The following TTC17 variants were observed in gnomAD, a reference collection of about 807,000 sequenced individuals.
The protein encoded by TTC17 is tetratricopeptide repeat protein 17.
In TTC17, 58 loss-of-function variants were observed where a neutral mutation model predicts 143.8. The observed-to-expected ratio is 0.40, with a 90% CI of 0.33 to 0.50. The LOEUF (loss-of-function observed/expected upper bound fraction) is 0.50. TTC17 is among the 20% of genes least tolerant of loss of function. The probability of loss-of-function intolerance (pLI) is 0.49; values close to 1 mark genes in which losing one functional copy is unlikely to be tolerated. For missense variants in TTC17, 1,273 were observed against 1,392.5 expected, an observed-to-expected ratio of 0.91 and a Z score of 1.37; for synonymous variants, 501 against 497.8, an observed-to-expected ratio of 1.01 and a Z score of -0.09.
intron 1 of TTC17, chr11:43,378,898 A>G (rs996302012): frequency 1.3e-5 from 3 of 233,996 alleles, no homozygotes; most frequent in African/African-American, 2.4e-5. Flanking sequence ...AAGACAATTC[A>G]TTTTTTATTA....
At chr11:43,386,644 C>T (rs1290008859) in intron 2 of TTC17, among the ~76,000 whole-genome samples, 2 of 152,132 alleles carry the variant, frequency 1.3e-5, no homozygotes, top group Non-Finnish European at 1.5e-5. Flanking sequence ...AAAAGTTTTT[C>T]TTCAAATGAC....
chr11:43,476,942 A>C (rs918490887), intron 21 of TTC17, among the ~76,000 whole-genome samples: 1 of 152,186 alleles, frequency 6.6e-6, no homozygotes, highest in Non-Finnish European at 1.5e-5. Context: ...AAATTTTCTA[A>C]ACTTTTATGT....
At chr11:43,416,636 A>G (rs535338643) in intron 16 of TTC17, among the ~76,000 whole-genome samples, 271 of 152,284 alleles carry the variant, frequency 1.8e-3, no homozygotes, top group Middle Eastern at 3.4e-3. Context: ...TGGGTCCAAT[A>G]TAATAACAAT....
chr11:43,452,583 C>T (rs1257943696), intron 21 of TTC17, among the ~76,000 whole-genome samples: 3 of 152,014 alleles, frequency 2.0e-5, no homozygotes, highest in Non-Finnish European at 4.4e-5. Flanking sequence ...CTAAAGAACA[C>T]ACAGCAGGAA....
Position 43,392,332 on chromosome 11 carries a change from C to G in TTC17, c.663+380C>G, listed in dbSNP as rs979986221. 2.6e-5 allele frequency among the ~76,000 whole-genome samples: 4 copies of G among 152,068 alleles called. No homozygotes were observed. The East Asian group carries it at 7.7e-4, about 29-fold the overall frequency. ...GTTTTCTGAGACAGAAAAAGAATCA[C>G]CACCAGCAACAAAATCTTCTGTAAC... On this transcript the variant is annotated intron_variant, in intron 5 of 23. Coordinates refer to ENST00000039989, the MANE Select transcript of TTC17 (RefSeq NM_018259.6).
At chr11:43,452,906 G>A (rs895175575) in intron 21 of TTC17, among the ~76,000 whole-genome samples, 1 of 152,118 alleles carries the variant, frequency 6.6e-6, no homozygotes, top group African/African-American at 2.4e-5. Context: ...CTGGGCAACA[G>A]AGTGAGACCC....
intron 1 of TTC17, among the ~76,000 whole-genome samples, chr11:43,373,963 A>G (rs1297071522): frequency 6.6e-6 from 1 of 152,204 alleles, no homozygotes; most frequent in African/African-American, 2.4e-5. Context: ...GATCTCTGGT[A>G]CCTTAGCCAC....
intron 1 of TTC17, chr11:43,370,022 A>G (rs918411384): frequency 2.2e-6 from 1 of 448,900 alleles, no homozygotes; most frequent in Non-Finnish European, 4.5e-6. Context: ...TCTCAATCTC[A>G]TACAATGAAA....
intron 6 of TTC17, 75 bp from the exon 7 acceptor site, chr11:43,397,272 A>G (rs1857631473): frequency 6.0e-6 from 9 of 1,511,008 alleles, no homozygotes; most frequent in South Asian, 3.8e-5. Flanking sequence ...TTTCCTAAGC[A>G]CAAGTAACTT....
At chr11:43,436,552 G>T (rs1180905937) in intron 16 of TTC17, among the ~76,000 whole-genome samples, 1 of 152,108 alleles carries the variant, frequency 6.6e-6, no homozygotes, top group Non-Finnish European at 1.5e-5. Context: ...AATCTGATTT[G>T]TTTATGTATC....
chr11:43,389,125 CAAGACACTGTCTCAA>C (rs1289370845), intron 2 of TTC17, among the ~76,000 whole-genome samples: 29 of 140,358 alleles, frequency 2.1e-4, no homozygotes, highest in Non-Finnish European at 4.4e-4. Context: ...TGGGTGACAG[CAAGACACTGTCTCAA>C]AAAAAAAAAA....
At chr11:43,373,482 C>T (rs1856649170) in intron 1 of TTC17, among the ~76,000 whole-genome samples, 1 of 152,046 alleles carries the variant, frequency 6.6e-6, no homozygotes, top group African/African-American at 2.4e-5. Flanking sequence ...CACCACCACG[C>T]CCAGCTAATT....
intron 1 of TTC17, among the ~76,000 whole-genome samples, chr11:43,368,717 G>A (rs1373964024): frequency 2.0e-5 from 3 of 152,198 alleles, no homozygotes; most frequent in Non-Finnish European, 4.4e-5. Flanking sequence ...CTCCCTTTGG[G>A]ATAGGAGGGA....
intron 20 of TTC17, 112 bp downstream of exon 20, chr11:43,450,353 T>A: frequency 4.7e-6 from 6 of 1,286,956 alleles, no homozygotes; most frequent in Non-Finnish European, 6.2e-6. Context: ...TAGGGGCTTT[T>A]TTCAGTTAGG....
At chr11:43,487,619 A>C (rs17510173) in intron 21 of TTC17, among the ~76,000 whole-genome samples, 13,585 of 152,284 alleles carry the variant, frequency 0.089, 903 homozygotes, top group Admixed American at 0.23. Flanking sequence ...GTGGTTTTAA[A>C]TCCAACCAAG....
chr11:43,418,216 G>C (rs1946820780), intron 16 of TTC17, among the ~76,000 whole-genome samples: 1 of 152,082 alleles, frequency 6.6e-6, no homozygotes, highest in Non-Finnish European at 1.5e-5. Flanking sequence ...CAATGTATTG[G>C]CTGCCATTTG....
Position 43,451,230 on chromosome 11 carries a change from C to G in TTC17, c.2995C>G (p.Gln999Glu). ...CCAATATCCACAACAGTCGCTTGAACAGATTGGCACCCGAATTGCCAAAGT... is the reference window on the plus strand; with the variant it reads ...CCAATATCCACAACAGTCGCTTGAAGAGATTGGCACCCGAATTGCCAAAGT... ...KDQYPQQSLE[Q>E]IGTRIAKVLE... The change falls in exon 21 of 24, where the codon CAG becomes GAG. Residue 999 changes from glutamine to glutamate, a missense_variant. Gln to Glu is a conservative substitution (Grantham distance 29). Coordinates refer to ENST00000039989, the MANE Select transcript of TTC17 (RefSeq NM_018259.6). 6.2e-7 allele frequency: 1 copy of G among 1,613,772 alleles called. No homozygotes were observed. Among genetic ancestry groups the G allele is most frequent in the South Asian group, 1.1e-5 (1 of 91,068 alleles).
intron 1 of TTC17, among the ~76,000 whole-genome samples, chr11:43,366,720 C>G (rs999814222): frequency 2.0e-5 from 3 of 152,092 alleles, no homozygotes; most frequent in African/African-American, 7.2e-5. Flanking sequence ...GGGAGGGAGA[C>G]AGATTCTCGA....
At chr11:43,392,056 C>A in intron 5 of TTC17, 104 bp downstream of exon 5, 1 of 1,348,418 alleles carries the variant, frequency 7.4e-7, no homozygotes, top group Non-Finnish European at 9.9e-7. Flanking sequence ...TTGTTTTTAT[C>A]TAGAAGACGA....
Sources: gnomAD v4.1 joint callset for allele counts (sites outside exome capture counted in the v4.1 genomes callset) on GRCh38, gnomAD v4.1.1 for gene constraint, MANE v1.5 for transcripts, NCBI Gene and HGNC (gene_info 2026-07-23, HGNC 2026-07-21) for gene names.